ERMAP: variants seen among roughly 807,000 people sequenced by gnomAD.
The protein encoded by ERMAP is erythroblast membrane associated protein (Scianna blood group).
ERMAP carries 34 observed loss-of-function variants against 49.5 expected under a neutral mutation model. The observed-to-expected ratio is 0.69, with a 90% CI of 0.52 to 0.91. The LOEUF is 0.91. ERMAP is among the 40% of genes least tolerant of loss of function. The pLI is 0.00. For synonymous variants in ERMAP, 214 were observed against 232.2 expected (o/e 0.92, Z 0.71); for missense variants, 541 against 582.6 (o/e 0.93, Z 0.74).
rs1373124097 is a variant in ERMAP at position 42,835,082 on chromosome 1, G to A, written c.478G>A (p.Val160Met). The A allele has an allele frequency of 6.3e-7, 1 of 1,586,322 alleles. No individual in the cohort carries two copies. Among genetic ancestry groups the A allele is most frequent in the East Asian group, 2.2e-5 (1 of 44,772 alleles). ...CTCCCCCTCAGCAGTGGCTCTGGCT[G>A]TGATCCTGCCTGTCCTGGTACTTCT... is the stretch of plus-strand genomic sequence containing the variant. ...SLSPSAVALA[V>M]ILPVLVLLIM... is the part of the protein sequence containing the mutation. Residue 160 changes from valine to methionine, a missense_variant, in exon 5 of 12, where the codon GTG (valine) becomes ATG (methionine). Coordinates refer to ENST00000372517, the MANE Select transcript of ERMAP (RefSeq NM_001017922.2).
chr1:42,833,405 T>C (rs1654804584), intron 4 of ERMAP, among the ~76,000 whole-genome samples: 1 of 152,250 alleles, frequency 6.6e-6, no homozygotes, highest in African/African-American at 2.4e-5. Context: ...CATGTATGTT[T>C]ACACATGTGT....
At chr1:42,824,381 T>C (rs528028105) in intron 1 of ERMAP, 3 of 151,982 alleles carry the variant, frequency 2.0e-5, no homozygotes, top group Admixed American at 6.6e-5. Context: ...GACAGTATTA[T>C]TTATAAAAGC....
rs1570550739 is a variant in ERMAP, at chr1:42,843,781, C to A, written c.*549C>A. 6.4e-6 allele frequency: 2 copies of A among 313,962 alleles called. No homozygotes were observed. The highest frequency in any genetic ancestry group is 5.8e-6 in the Non-Finnish European group (1 of 173,674). The allele number at this position is 313,962 out of a possible 1,614,324, so 19.4% of individuals were successfully genotyped here. On this transcript the variant is annotated 3_prime_UTR_variant, in exon 12 of 12. Transcript: ENST00000372517. Reference sequence around the variant, plus strand: ...GGGAAAGGCTGATGAGTAAAACATACCATCCTTTTCTATTTTCTTGATGCT... The same window carrying A: ...GGGAAAGGCTGATGAGTAAAACATAACATCCTTTTCTATTTTCTTGATGCT...
chr1:42,836,530 G>A (rs377651732), intron 6 of ERMAP, among the ~76,000 whole-genome samples: 3 of 152,270 alleles, frequency 2.0e-5, no homozygotes, highest in Admixed American at 6.5e-5. Flanking sequence ...CAGTGGTAAA[G>A]CAAGGAATGG....
chr1:42,838,700 G>A (rs908775024), intron 7 of ERMAP, among the ~76,000 whole-genome samples: 2 of 152,110 alleles, frequency 1.3e-5, no homozygotes, highest in Non-Finnish European at 2.9e-5. Flanking sequence ...CCAAAGTCCC[G>A]GGCAGGCTGG....
chr1:42,829,373 A>C (rs190093010), intron 2 of ERMAP, among the ~76,000 whole-genome samples: 189 of 152,300 alleles, frequency 1.2e-3, no homozygotes, highest in African/African-American at 4.3e-3. Flanking sequence ...CATGACCTTC[A>C]GGGACTGGGC....
chr1:42,822,340 C>T (rs985625153), intron 1 of ERMAP, among the ~76,000 whole-genome samples: 3 of 152,028 alleles, frequency 2.0e-5, no homozygotes, highest in Admixed American at 6.6e-5. Context: ...TGTGCCACCA[C>T]GCCTGGGTAA....
Position 42,830,950 on chromosome 1 carries a change from C to CG in ERMAP, c.268_269insG (p.Leu90ArgfsTer6). 1 of 1,614,184 alleles carries CG rather than the reference C, an allele frequency of 6.2e-7. No individual in the cohort carries two copies. The highest frequency in any genetic ancestry group is 8.5e-7 in the Non-Finnish European group (1 of 1,180,032). On this transcript the variant is annotated frameshift_variant, in exon 4 of 12. Coordinates refer to ENST00000372517, the MANE Select transcript of ERMAP (RefSeq NM_001017922.2). LOFTEE classifies it high-confidence loss of function. ...GGATGGGAAGGACCAGGATGAAGATCTGATGCCGGAATATAAGGGGAGGAC... is the reference window on the plus strand; with the variant it reads ...GGATGGGAAGGACCAGGATGAAGATCGTGATGCCGGAATATAAGGGGAGGAC...
intron 3 of ERMAP, 97 bp from the exon 4 acceptor site, chr1:42,830,671 T>C: frequency 1.4e-6 from 2 of 1,416,484 alleles, no homozygotes; most frequent in South Asian, 2.6e-5. Context: ...GAGTCCTTCC[T>C]GGGCTCTGTC....
At position 42,843,398 on chromosome 1, in the gene ERMAP, G is replaced by T; in HGVS notation, c.*166G>T. The T allele has an allele frequency of 1.9e-6, 1 of 537,202 alleles. No homozygotes were observed. Among genetic ancestry groups the T allele is most frequent in the Non-Finnish European group, 3.2e-6 (1 of 312,446 alleles). The allele number at this position is 537,202 out of a possible 1,614,324, so 33.3% of individuals were successfully genotyped here. On this transcript the variant is annotated 3_prime_UTR_variant, in exon 12 of 12. Transcript: ENST00000372517. Reference sequence around the variant, plus strand: ...TTTTCTCCCAGGCCTCAGTTCTGAAGCTTACCTTTCTTCTAAGGAATTGAA... The same window carrying T: ...TTTTCTCCCAGGCCTCAGTTCTGAATCTTACCTTTCTTCTAAGGAATTGAA...
intron 8 of ERMAP, 89 bp from the exon 9 acceptor site, chr1:42,839,944 C>T (rs964770525): frequency 3.8e-6 from 5 of 1,313,802 alleles, no homozygotes; most frequent in South Asian, 1.2e-5. Flanking sequence ...TATCTGTCTG[C>T]TCATGGTTGG....
In ERMAP at chr1:42,842,897, G is replaced by A. The variant is rs771369487; in HGVS notation, c.1093G>A (p.Glu365Lys). Residue 365 changes from glutamate (E) to lysine (K), a missense_variant, in exon 12 of 12, where the codon GAA (glutamate) becomes AAA (lysine). Transcript: ENST00000372517. The stretch of plus-strand genomic sequence containing the variant: ...GTGTGTGGGGATTTTCCTGGACTAT[G>A]AAGCAGGAGTCATCTCTTTCTACAA... The part of the protein sequence containing the change: ...PRCVGIFLDY[E>K]AGVISFYNVT... The A allele has an allele frequency of 6.2e-7, 1 of 1,614,164 alleles. No individual in the cohort carries two copies. Among genetic ancestry groups the A allele is most frequent in the Non-Finnish European group, 8.5e-7 (1 of 1,180,040 alleles).
chr1:42,833,977 G>A (rs7548186), intron 4 of ERMAP, among the ~76,000 whole-genome samples: 135,835 of 152,248 alleles, frequency 0.89, 61,687 homozygotes, highest in East Asian at 1. Context: ...CTGTAATCCC[G>A]GCTACTTAGG....
chr1:42,832,391 G>A (rs1048394058), intron 4 of ERMAP, among the ~76,000 whole-genome samples: 1 of 151,016 alleles, frequency 6.6e-6, no homozygotes, highest in African/African-American at 2.4e-5. Context: ...TTTGGAGATG[G>A]AGTTTCACTC....
In ERMAP at chr1:42,835,848, T is replaced by C. The variant is rs547354884; in HGVS notation, c.583+84T>C. 98 of 1,520,140 alleles carry C rather than the reference T, an allele frequency of 6.4e-5. No individual in the cohort carries two copies. The African/African-American group carries it at 1.3e-3, about 21-fold the overall frequency. The allele number at this position is 1,520,140 out of a possible 1,614,324, so 94.2% of individuals were successfully genotyped here. ...CCCCCATACCCACTAACCTGGATTC[T>C]GTTCCTGAAAATTCCATTATCTGCT... On this transcript the variant is annotated intron_variant, in intron 6 of 11. Coordinates refer to ENST00000372517, the MANE Select transcript of ERMAP (RefSeq NM_001017922.2).
intron 4 of ERMAP, among the ~76,000 whole-genome samples, chr1:42,831,825 G>A (rs532023194): frequency 5.3e-5 from 8 of 151,338 alleles, no homozygotes; most frequent in East Asian, 3.9e-4. Context: ...AATCCTCCCC[G>A]CTTGGCCTCC....
intron 4 of ERMAP, 123 bp downstream of exon 4, chr1:42,831,238 G>C: frequency 8.0e-7 from 1 of 1,247,212 alleles, no homozygotes; most frequent in Non-Finnish European, 1.1e-6. Flanking sequence ...TACTTGCCAG[G>C]ATGGCTCAGC....
chr1:42,842,076 C>T (rs1020702205), intron 11 of ERMAP: 4 of 164,522 alleles, frequency 2.4e-5, no homozygotes, highest in African/African-American at 9.6e-5. Flanking sequence ...GTGCCCTGAC[C>T]TGCTTTATCA....
intron 1 of ERMAP, among the ~76,000 whole-genome samples, chr1:42,820,015 A>G (rs1654364351): frequency 6.6e-6 from 1 of 152,214 alleles, no homozygotes; most frequent in Non-Finnish European, 1.5e-5. Flanking sequence ...CATGGAAGCT[A>G]AATTTTTGAG....
Sources: allele counts gnomAD v4.1 joint callset (sites outside exome capture counted in the v4.1 genomes callset), GRCh38; gene constraint gnomAD v4.1.1; transcripts MANE v1.5; gene names NCBI Gene and HGNC (gene_info 2026-07-23, HGNC 2026-07-21).